MMP16: variants seen among roughly 807,000 people sequenced by gnomAD.
The protein encoded by MMP16 is matrix metalloproteinase-16.
MMP16 carries 12 observed loss-of-function variants against 67.8 expected under a neutral mutation model. The observed-to-expected ratio is 0.18, with a 90% CI of 0.11 to 0.29. MMP16 has a LOEUF of 0.29. Among genes scored for constraint, MMP16 ranks in the 10% least tolerant of loss-of-function variants. The pLI is 1.00. For missense variants in MMP16, 475 were observed against 765.7 expected (o/e 0.62, Z 4.48); for synonymous variants, 249 against 255.9 (o/e 0.97, Z 0.26).
chr8:88,201,286 T>C (rs1033824217), intron 1 of MMP16, among the ~76,000 whole-genome samples: 3 of 152,046 alleles, frequency 2.0e-5, no homozygotes, highest in Non-Finnish European at 2.9e-5. Context: ...AGGATTTTAT[T>C]TAATCTGAAA....
At chr8:88,288,256 G>C (rs1029071331) in intron 1 of MMP16, among the ~76,000 whole-genome samples, 1 of 152,188 alleles carries the variant, frequency 6.6e-6, no homozygotes, top group African/African-American at 2.4e-5. Flanking sequence ...TGTACAATGA[G>C]CACATCTCTG....
At chr8:88,276,013 A>G (rs529279501) in intron 1 of MMP16, among the ~76,000 whole-genome samples, 33 of 152,170 alleles carry the variant, frequency 2.2e-4, no homozygotes, top group African/African-American at 6.7e-4. Flanking sequence ...TCTAGTTGTA[A>G]CATTAAAATC....
At chr8:88,254,789 G>C (rs1179560302) in intron 1 of MMP16, among the ~76,000 whole-genome samples, 1 of 152,018 alleles carries the variant, frequency 6.6e-6, no homozygotes, top group Non-Finnish European at 1.5e-5. Context: ...TGGGATCCTG[G>C]AACAGAAAAA....
At chr8:88,316,894 C>T (rs1299532194) in intron 1 of MMP16, among the ~76,000 whole-genome samples, 3 of 152,040 alleles carry the variant, frequency 2.0e-5, no homozygotes, top group Non-Finnish European at 4.4e-5. Flanking sequence ...GTAAAAATAA[C>T]AACAGTAACA....
At chr8:88,294,269 T>A (rs967424807) in intron 1 of MMP16, among the ~76,000 whole-genome samples, 26 of 147,366 alleles carry the variant, frequency 1.8e-4, no homozygotes, top group Non-Finnish European at 1.9e-4. Flanking sequence ...TGTGTGTATA[T>A]CTATATATAC....
At chr8:88,291,098 C>T (rs763346164) in intron 1 of MMP16, among the ~76,000 whole-genome samples, 5 of 151,890 alleles carry the variant, frequency 3.3e-5, no homozygotes, top group Non-Finnish European at 7.4e-5. Flanking sequence ...CTGGGCAACA[C>T]GGTGATACCA....
At chr8:88,211,216 C>T (rs926189739) in intron 1 of MMP16, among the ~76,000 whole-genome samples, 12 of 152,104 alleles carry the variant, frequency 7.9e-5, no homozygotes, top group African/African-American at 2.7e-4. Flanking sequence ...TGAATCTCAC[C>T]AGTGTACAGG....
intron 4 of MMP16, among the ~76,000 whole-genome samples, chr8:88,137,374 G>C (rs888635110): frequency 2.6e-5 from 4 of 151,862 alleles, no homozygotes; most frequent in African/African-American, 9.7e-5. Flanking sequence ...TACCGAACCT[G>C]TACTTCTTTA....
chr8:88,254,367 A>ACC (rs762877881), intron 1 of MMP16, among the ~76,000 whole-genome samples: 27 of 149,876 alleles, frequency 1.8e-4, no homozygotes, highest in Non-Finnish European at 2.1e-4. Flanking sequence ...TAGGCTCAAT[A>ACC]CCTGGGTGGT....
rs200610553 is a variant in MMP16 at position 88,151,445 on chromosome 8, T to G, written c.709+16224A>C. ...GCACCACACCACACCTATTCCAAAA[T>G]TGACCACATAGTTGGAAGTAAAGCA... On this transcript the variant is annotated intron_variant, in intron 4 of 9. Coordinates refer to ENST00000286614, the MANE Select transcript of MMP16 (RefSeq NM_005941.5). Among the ~76,000 whole-genome samples the G allele has an allele frequency of 7.7e-3, 1,160 of 150,772 alleles. 15 individuals are homozygous for G. The highest frequency in any genetic ancestry group is 0.062 in the Middle Eastern group (18 of 288).
At chr8:88,086,944 A>G (rs1228796980) in intron 6 of MMP16, among the ~76,000 whole-genome samples, 1 of 151,896 alleles carries the variant, frequency 6.6e-6, no homozygotes, top group East Asian at 1.9e-4. Context: ...AATTTGTTGA[A>G]TGAATGTTCA....
At chr8:88,052,959 T>C (rs1282585483) in intron 8 of MMP16, among the ~76,000 whole-genome samples, 4 of 152,168 alleles carry the variant, frequency 2.6e-5, no homozygotes, top group Non-Finnish European at 5.9e-5. Context: ...TACTGTTTAT[T>C]ATTTGTCTCC....
chr8:88,223,782 T>G (rs1240200676), intron 1 of MMP16, among the ~76,000 whole-genome samples: 2 of 151,658 alleles, frequency 1.3e-5, no homozygotes, highest in Non-Finnish European at 2.9e-5. Flanking sequence ...ATGGCACATG[T>G]ATACATATGT....
chr8:88,082,383 A>G (rs532315177), intron 6 of MMP16, among the ~76,000 whole-genome samples: 3 of 152,106 alleles, frequency 2.0e-5, no homozygotes, highest in Non-Finnish European at 4.4e-5. Context: ...CATGACATAC[A>G]TATTTGTCTT....
rs982514508 is a variant in MMP16, at chr8:88,226,412, A to G, written c.133-29106T>C. 5.3e-5 allele frequency among the ~76,000 whole-genome samples: 8 copies of G among 152,104 alleles called. No individual in the cohort carries two copies. The South Asian group carries it at 1.2e-3, about 24-fold the overall frequency. Reference sequence around the variant, plus strand: ...TATGACTACTGACTTAATAATACCAATTAAGATATTTCTGGAAATTTACTA... The same window carrying G: ...TATGACTACTGACTTAATAATACCAGTTAAGATATTTCTGGAAATTTACTA... On this transcript the variant is annotated intron_variant, in intron 1 of 9. Transcript: ENST00000286614.
At chr8:88,290,562 AAAT>A (rs1297809402) in intron 1 of MMP16, among the ~76,000 whole-genome samples, 2 of 152,072 alleles carry the variant, frequency 1.3e-5, no homozygotes, top group African/African-American at 4.8e-5. Context: ...CAAAAAAAAA[AAAT>A]TGACCTAATT....
intron 1 of MMP16, among the ~76,000 whole-genome samples, chr8:88,299,931 T>G (rs1298139422): frequency 6.6e-6 from 1 of 152,186 alleles, no homozygotes; most frequent in Admixed American, 6.5e-5. Context: ...TAACATTTAC[T>G]TTTTGTGTGT....
intron 8 of MMP16, among the ~76,000 whole-genome samples, chr8:88,054,318 T>C (rs1808305833): frequency 6.6e-6 from 1 of 152,184 alleles, no homozygotes; most frequent in Non-Finnish European, 1.5e-5. Flanking sequence ...CAACTCCGTA[T>C]AGTACCGAGT....
chr8:88,313,519 T>C (rs1481925590), intron 1 of MMP16, among the ~76,000 whole-genome samples: 14 of 152,220 alleles, frequency 9.2e-5, no homozygotes. Context: ...GCAATTTGAT[T>C]ATGCTGTGCC....
Sources: gnomAD v4.1 joint callset for allele counts (sites outside exome capture counted in the v4.1 genomes callset) on GRCh38, gnomAD v4.1.1 for gene constraint, MANE v1.5 for transcripts, NCBI Gene and HGNC (gene_info 2026-07-23, HGNC 2026-07-21) for gene names.